Variants in CTNNA3 observed in about 807,000 individuals in gnomAD.
CTNNA3 encodes the protein catenin alpha-3.
A neutral mutation model predicts 95.7 loss-of-function variants in CTNNA3; 76 were observed. The observed-to-expected ratio is 0.79, with a 90% CI of 0.66 to 0.96. CTNNA3 has a LOEUF of 0.96. Ranked by LOEUF, CTNNA3 falls within the 40% of genes least tolerant of loss-of-function variation. The pLI is 0.00. For synonymous variants in CTNNA3, 431 were observed against 374.4 expected, an observed-to-expected ratio of 1.15 and a Z score of -1.74; for missense variants, 1,191 against 1,089.8, an observed-to-expected ratio of 1.09 and a Z score of -1.31.
chr10:66,515,170 AT>A (rs11350182), intron 11 of CTNNA3, among the ~76,000 whole-genome samples: 4,831 of 152,114 alleles, frequency 0.032, 258 homozygotes, highest in African/African-American at 0.11. Context: ...TTGTATTTAC[AT>A]TTTAATGTAG....
At chr10:66,774,232 G>C (rs1020173291) in intron 8 of CTNNA3, among the ~76,000 whole-genome samples, 2 of 152,192 alleles carry the variant, frequency 1.3e-5, no homozygotes, top group East Asian at 1.9e-4. Context: ...AGTCCTAGGT[G>C]AAGCAGATGG....
chr10:66,076,558 C>T (rs919047204), intron 14 of CTNNA3, among the ~76,000 whole-genome samples: 1 of 151,650 alleles, frequency 6.6e-6, no homozygotes, highest in African/African-American at 2.4e-5. Flanking sequence ...CTTTAATTAG[C>T]TCTCAGTTTC....
rs151233732 is a variant in CTNNA3 at position 67,474,813 on chromosome 10, T to C, written c.579+47029A>G. On this transcript the variant is annotated intron_variant, in intron 5 of 17. Transcript: ENST00000433211. ...GGATACAGAGCAACTGAAACTCTTA[T>C]TCATTGCTGCTGGGAATGCAAAAAG... Among the ~76,000 whole-genome samples the C allele has an allele frequency of 6.6e-3, 1,007 of 152,332 alleles. 14 individuals are homozygous for C. The highest frequency in any genetic ancestry group is 0.023 in the African/African-American group (962 of 41,578).
intron 7 of CTNNA3, among the ~76,000 whole-genome samples, chr10:66,947,908 A>C (rs757464109): frequency 2.6e-5 from 4 of 152,190 alleles, no homozygotes; most frequent in African/African-American, 4.8e-5. Flanking sequence ...CACAGAGTGT[A>C]CTTACATAAA....
intron 9 of CTNNA3, among the ~76,000 whole-genome samples, chr10:66,701,486 C>T (rs1170136806): frequency 6.6e-6 from 1 of 152,150 alleles, no homozygotes; most frequent in African/African-American, 2.4e-5. Flanking sequence ...CAACACTGTA[C>T]AGTTTAACAT....
intron 11 of CTNNA3, among the ~76,000 whole-genome samples, chr10:66,515,345 C>CTATA (rs1554809600): frequency 2.0e-5 from 3 of 148,894 alleles, no homozygotes; most frequent in African/African-American, 7.4e-5. Context: ...CTCTCTCTCT[C>CTATA]TATATATATA....
At chr10:67,026,120 A>C (rs1406415906) in intron 7 of CTNNA3, among the ~76,000 whole-genome samples, 4 of 128,796 alleles carry the variant, frequency 3.1e-5, no homozygotes, top group African/African-American at 8.6e-5. Context: ...GGGTGAGGGG[A>C]GGGGGGAGGG....
chr10:67,225,434 T>C (rs2132280756), intron 5 of CTNNA3, among the ~76,000 whole-genome samples: 1 of 152,174 alleles, frequency 6.6e-6, no homozygotes, highest in Middle Eastern at 3.4e-3. Context: ...AATAGAGCAT[T>C]AAACCACCAA....
At chr10:67,344,179 G>A (rs527571881) in intron 5 of CTNNA3, among the ~76,000 whole-genome samples, 1 of 151,892 alleles carries the variant, frequency 6.6e-6, no homozygotes, top group African/African-American at 2.4e-5. Context: ...GCATCCCAGG[G>A]ATAAAATCCA....
intron 4 of CTNNA3, among the ~76,000 whole-genome samples, chr10:67,533,382 A>G (rs1840393649): frequency 1.3e-5 from 2 of 152,300 alleles, no homozygotes; most frequent in South Asian, 2.1e-4. Flanking sequence ...CCTAAGAAGA[A>G]CAAATAGTAC....
At chr10:66,477,521 G>A (rs891263211) in intron 11 of CTNNA3, among the ~76,000 whole-genome samples, 8 of 151,980 alleles carry the variant, frequency 5.3e-5, no homozygotes, top group African/African-American at 1.7e-4. Context: ...ATATTTCTAC[G>A]ACCCACTCTG....
At chr10:66,976,269 A>G (rs1850024055) in intron 7 of CTNNA3, among the ~76,000 whole-genome samples, 1 of 152,192 alleles carries the variant, frequency 6.6e-6, no homozygotes, top group African/African-American at 2.4e-5. Context: ...CGGCACTAAT[A>G]TAGGGAATCA....
chr10:67,682,360 G>T (rs1840644488), intron 1 of CTNNA3, among the ~76,000 whole-genome samples: 1 of 151,512 alleles, frequency 6.6e-6, no homozygotes, highest in African/African-American at 2.4e-5. Context: ...AAAAAATTGG[G>T]CAAGTATTTG....
intron 13 of CTNNA3, among the ~76,000 whole-genome samples, chr10:66,156,380 G>GA (rs1376588838): frequency 3.3e-5 from 5 of 151,890 alleles, no homozygotes; most frequent in Admixed American, 6.6e-5. Flanking sequence ...CCGCCATCAG[G>GA]AAAAAACTAG....
At chr10:67,716,112 T>C (rs554564702) in intron 1 of CTNNA3, among the ~76,000 whole-genome samples, 4 of 152,312 alleles carry the variant, frequency 2.6e-5, no homozygotes, top group Non-Finnish European at 5.9e-5. Flanking sequence ...GGTTTCATTA[T>C]TAAAATCAAT....
intron 1 of CTNNA3, among the ~76,000 whole-genome samples, chr10:67,654,765 A>AC (rs1346233029): frequency 1.3e-5 from 2 of 152,344 alleles, no homozygotes; most frequent in South Asian, 4.1e-4. Flanking sequence ...AAGCTGTGTG[A>AC]CAATATCTCT....
chr10:67,350,810 A>G (rs1216022783), intron 5 of CTNNA3, among the ~76,000 whole-genome samples: 2 of 151,172 alleles, frequency 1.3e-5, no homozygotes, highest in Non-Finnish European at 1.5e-5. Context: ...AGTTAAACAT[A>G]TATTTAGCAT....
chr10:66,944,321 C>A (rs1344904799), intron 7 of CTNNA3, among the ~76,000 whole-genome samples: 1 of 152,200 alleles, frequency 6.6e-6, no homozygotes, highest in Non-Finnish European at 1.5e-5. Context: ...TAAGCAGCAA[C>A]TCCTCATCCA....
intron 9 of CTNNA3, among the ~76,000 whole-genome samples, chr10:66,674,770 T>C (rs761191975): frequency 6.6e-6 from 1 of 152,044 alleles, no homozygotes; most frequent in Non-Finnish European, 1.5e-5. Context: ...TAGTGGTTGA[T>C]ACGGGCTCCC....
Sources: gnomAD v4.1 joint callset for allele counts (sites outside exome capture counted in the v4.1 genomes callset) on GRCh38, gnomAD v4.1.1 for gene constraint, MANE v1.5 for transcripts, NCBI Gene and HGNC (gene_info 2026-07-23, HGNC 2026-07-21) for gene names.